The following P3H2 variants were observed in gnomAD, a reference collection of about 807,000 sequenced individuals.
P3H2 encodes leprecan-like 1.
Under a neutral mutation model 87.0 loss-of-function variants are expected in P3H2, and 80 were observed. The ratio of observed to expected loss-of-function variants is 0.92; its 90% CI spans 0.77 to 1.11. P3H2 has a LOEUF of 1.11. P3H2 is among the 50% of genes least tolerant of loss of function. The pLI is 0.00. For missense variants in P3H2, 1,001 were observed against 923.9 expected (o/e 1.08, Z -1.08); for synonymous variants, 367 against 359.3 (o/e 1.02, Z -0.24).
chr3:189,998,291 C>T (rs959477239), intron 1 of P3H2, among the ~76,000 whole-genome samples: 4 of 152,192 alleles, frequency 2.6e-5, no homozygotes, highest in African/African-American at 9.6e-5. Context: ...TCTGATTCTA[C>T]AGCACTAGAC....
chr3:190,112,407 G>C (rs1289219655), intron 1 of P3H2, among the ~76,000 whole-genome samples: 2 of 152,142 alleles, frequency 1.3e-5, no homozygotes, highest in Non-Finnish European at 2.9e-5. Flanking sequence ...ACACATGAGG[G>C]TAAGTGACAT....
intron 13 of P3H2, among the ~76,000 whole-genome samples, chr3:189,968,727 C>A (rs1224308610): frequency 1.3e-5 from 2 of 152,178 alleles, no homozygotes; most frequent in East Asian, 3.9e-4. Flanking sequence ...TAAAAGCATT[C>A]CTATTTCTCC....
intron 1 of P3H2, among the ~76,000 whole-genome samples, chr3:190,117,749 C>G (rs1577332608): frequency 3.3e-5 from 3 of 90,192 alleles, no homozygotes; most frequent in South Asian, 3.9e-4. Flanking sequence ...TTCTTGGGGG[C>G]TGGGGGAGGG....
intron 1 of P3H2, among the ~76,000 whole-genome samples, chr3:190,102,318 A>C (rs1711658986): frequency 6.6e-6 from 1 of 152,208 alleles, no homozygotes; most frequent in African/African-American, 2.4e-5. Context: ...GGGCAAAGTA[A>C]ACTGAAAACT....
At chr3:190,063,835 G>C (rs1031680496) in intron 1 of P3H2, among the ~76,000 whole-genome samples, 11 of 152,062 alleles carry the variant, frequency 7.2e-5, no homozygotes, top group African/African-American at 2.4e-4. Flanking sequence ...GCTTTAAAGA[G>C]AGCAGCCAAT....
At chr3:190,067,409 C>G (rs997409101) in intron 1 of P3H2, among the ~76,000 whole-genome samples, 5 of 152,124 alleles carry the variant, frequency 3.3e-5, no homozygotes, top group African/African-American at 1.2e-4. Context: ...TGCATGACCT[C>G]CATACCCCTT....
chr3:190,114,035 TC>T (rs1712178684), intron 1 of P3H2, among the ~76,000 whole-genome samples: 1 of 108,900 alleles, frequency 9.2e-6, no homozygotes, highest in Non-Finnish European at 1.8e-5. Flanking sequence ...AGCCGAGATG[TC>T]GCCACCACAC....
chr3:190,003,613 AT>A, intron 1 of P3H2, among the ~76,000 whole-genome samples: 1 of 152,332 alleles, frequency 6.6e-6, no homozygotes, highest in East Asian at 1.9e-4. Flanking sequence ...AACAGCCAAA[AT>A]TTGAATGGCT....
At chr3:189,980,478 G>T (rs1313492603) in intron 8 of P3H2, among the ~76,000 whole-genome samples, 1 of 151,972 alleles carries the variant, frequency 6.6e-6, no homozygotes, top group Non-Finnish European at 1.5e-5. Context: ...CAGAAGAATC[G>T]CTTGAACCCA....
chr3:190,000,930 G>A (rs115909862), intron 1 of P3H2, among the ~76,000 whole-genome samples: 234 of 152,262 alleles, frequency 1.5e-3, no homozygotes, highest in African/African-American at 5.6e-3. Flanking sequence ...CTTCCTAGAG[G>A]GCAGAAGAGC....
chr3:189,973,366 T>G (rs710546), intron 10 of P3H2, among the ~76,000 whole-genome samples: 53,543 of 151,928 alleles, frequency 0.35, 9,750 homozygotes, highest in Middle Eastern at 0.43. Context: ...ATTGTATGTA[T>G]TTTTTGTCAG....
chr3:190,097,605 A>G (rs531915965), intron 1 of P3H2, among the ~76,000 whole-genome samples: 1 of 151,566 alleles, frequency 6.6e-6, no homozygotes, highest in South Asian at 2.1e-4. Flanking sequence ...GTCTTACTTG[A>G]AAACCTAATT....
intron 1 of P3H2, among the ~76,000 whole-genome samples, chr3:190,105,733 G>A (rs994095284): frequency 2.6e-5 from 4 of 152,110 alleles, no homozygotes; most frequent in Admixed American, 6.5e-5. Flanking sequence ...TTGGCTTGCT[G>A]TACCAATCCA....
Position 190,082,756 on chromosome 3 carries a change from T to A in P3H2, c.480+37496A>T, listed in dbSNP as rs140266328. Among the ~76,000 whole-genome samples, 520 of 152,314 alleles carry A rather than the reference T, an allele frequency of 3.4e-3. 4 individuals carry two copies. Among genetic ancestry groups the A allele is most frequent in the African/African-American group, 0.012 (494 of 41,578 alleles). ...GCTTAGCAGAATGCTTTGCATAGAGTATTGAGAGCCAATGCTGTAGACAAC... is the reference window on the plus strand; with the variant it reads ...GCTTAGCAGAATGCTTTGCATAGAGAATTGAGAGCCAATGCTGTAGACAAC... On this transcript the variant is annotated intron_variant, in intron 1 of 14. Coordinates refer to ENST00000319332, the MANE Select transcript of P3H2 (RefSeq NM_018192.4).
At chr3:189,975,089 T>C (rs1464087122) in intron 8 of P3H2, among the ~76,000 whole-genome samples, 1 of 152,206 alleles carries the variant, frequency 6.6e-6, no homozygotes, top group Non-Finnish European at 1.5e-5. Flanking sequence ...AGGTATGACA[T>C]GCACACCTCA....
chr3:190,049,963 T>C (rs1389038629), intron 1 of P3H2, among the ~76,000 whole-genome samples: 3 of 152,204 alleles, frequency 2.0e-5, no homozygotes, highest in Non-Finnish European at 2.9e-5. Flanking sequence ...ATGCACATTG[T>C]AAATATTCAA....
chr3:190,006,358 C>T (rs531269624), intron 1 of P3H2, among the ~76,000 whole-genome samples: 4 of 152,284 alleles, frequency 2.6e-5, no homozygotes, highest in African/African-American at 9.6e-5. Flanking sequence ...GCTACCTCTT[C>T]GATTAAAACA....
intron 1 of P3H2, among the ~76,000 whole-genome samples, chr3:190,068,724 G>C (rs1206374650): frequency 6.6e-6 from 1 of 151,926 alleles, no homozygotes; most frequent in Non-Finnish European, 1.5e-5. Flanking sequence ...GAGGGAGAAG[G>C]CTTATCACTT....
At chr3:190,078,867 T>C (rs1159579866) in intron 1 of P3H2, among the ~76,000 whole-genome samples, 3 of 152,154 alleles carry the variant, frequency 2.0e-5, no homozygotes, top group Admixed American at 2.0e-4. Flanking sequence ...ATGTTCTTAG[T>C]TAAGGGTGGA....
Sources: gnomAD v4.1 joint callset for allele counts (sites outside exome capture counted in the v4.1 genomes callset) on GRCh38, gnomAD v4.1.1 for gene constraint, MANE v1.5 for transcripts, NCBI Gene and HGNC (gene_info 2026-07-23, HGNC 2026-07-21) for gene names.